The following CYP2B6 variants were observed in gnomAD, a reference collection of about 807,000 sequenced individuals.
CYP2B6 encodes the protein cytochrome P450 2B6.
In CYP2B6, 35 loss-of-function variants were observed where a neutral mutation model predicts 43.4. That is an observed-to-expected ratio of 0.81 (90% confidence interval 0.62 to 1.07). The LOEUF is 1.07. CYP2B6 is among the 50% of genes least tolerant of loss of function. The pLI is 0.00. For missense variants in CYP2B6, 624 were observed against 632.8 expected, an observed-to-expected ratio of 0.99 and a Z score of 0.15; for synonymous variants, 239 against 239.2, an observed-to-expected ratio of 1.00 and a Z score of 0.01.
chr19:40,994,551 T>G (rs1968971778), intron 1 of CYP2B6, among the ~76,000 whole-genome samples: 2 of 152,112 alleles, frequency 1.3e-5, no homozygotes. Context: ...TATGTTGAAC[T>G]CTTGGCCTCA....
intron 8 of CYP2B6, among the ~76,000 whole-genome samples, chr19:41,016,399 CAAAAAAAAAAA>C (rs869180190): frequency 4.7e-4 from 36 of 76,868 alleles, no homozygotes; most frequent in East Asian, 1.1e-3. Flanking sequence ...GACTCCATCT[CAAAAAAAAAAA>C]AAAAAAAAAA....
rs1351615838 is a variant in CYP2B6 at position 40,998,995 on chromosome 19, G to A, written c.172-5006G>A. On this transcript the variant is annotated intron_variant, in intron 1 of 8. Coordinates refer to ENST00000324071, the MANE Select transcript of CYP2B6 (RefSeq NM_000767.5). ...TCTAGTTCTAGATCCCTGAGGAATCGCCACACTGACTTCCACAATGGTTGA... is the reference window on the plus strand; with the variant it reads ...TCTAGTTCTAGATCCCTGAGGAATCACCACACTGACTTCCACAATGGTTGA... Among the ~76,000 whole-genome samples the A allele has an allele frequency of 1.2e-4, 16 of 136,452 alleles. No homozygotes were observed. In the South Asian group the frequency reaches 1.9e-3, roughly 16 times the overall value. 89.5% of individuals were successfully genotyped at this position (136,452 alleles called of 152,430 possible).
At position 41,014,034 on chromosome 19, in the gene CYP2B6, A is replaced by G. The variant is rs35506180; in HGVS notation, c.1294+1219A>G. Among the ~76,000 whole-genome samples the G allele has an allele frequency of 8.0e-3, 1,215 of 152,326 alleles. 12 individuals are homozygous for G. The highest frequency in any genetic ancestry group is 0.034 in the Middle Eastern group (10 of 294). On this transcript the variant is annotated intron_variant, in intron 8 of 8. Transcript: ENST00000324071. ...AGAATATACTCTCAAGTTTGTTTAC[A>G]TGTTGAGTTACATTACAATTTGTTA...
chr19:41,006,215 C>G (rs1401873529), intron 3 of CYP2B6, among the ~76,000 whole-genome samples: 202 of 152,060 alleles, frequency 1.3e-3, no homozygotes, highest in African/African-American at 4.7e-3. Flanking sequence ...TGCAGTGGCA[C>G]GATCATAGCT....
In CYP2B6 at chr19:40,991,376, C is replaced by G; in HGVS notation, c.71C>G (p.Pro24Arg). The G allele has an allele frequency of 1.2e-6, 2 of 1,614,086 alleles. No individual in the cohort carries two copies. The highest frequency in any genetic ancestry group is 2.2e-5 in the South Asian group (2 of 91,078). The stretch of plus-strand genomic sequence containing the variant: ...TTGCTACTCCTGGTTCAGCGCCACC[C>G]TAACACCCATGACCGCCTCCCACCA... ...GLLLLLVQRH[P>R]NTHDRLPPGP... is the part of the protein sequence containing the mutation. The change falls in exon 1 of 9, where the codon CCT becomes CGT. Residue 24 changes from proline (P) to arginine (R), a missense_variant. Coordinates refer to ENST00000324071, the MANE Select transcript of CYP2B6 (RefSeq NM_000767.5).
chr19:41,002,084 T>C (rs149260513), intron 1 of CYP2B6, among the ~76,000 whole-genome samples: 1 of 152,120 alleles, frequency 6.6e-6, no homozygotes, highest in East Asian at 1.9e-4. Flanking sequence ...AGAGCGGTAA[T>C]AGGGCCACGT....
chr19:41,003,895 G>A, intron 1 of CYP2B6, 106 bp from the exon 2 acceptor site: 1 of 1,499,676 alleles, frequency 6.7e-7, no homozygotes, highest in Non-Finnish European at 9.1e-7. Context: ...GGAGGCGGAT[G>A]TTGGGGAGGG....
At chr19:40,997,656 T>G (rs1969017524) in intron 1 of CYP2B6, among the ~76,000 whole-genome samples, 1 of 152,170 alleles carries the variant, frequency 6.6e-6, no homozygotes, top group Non-Finnish European at 1.5e-5. Flanking sequence ...TGGTTATCAG[T>G]TAGACACTGT....
At position 41,004,158 on chromosome 19, in the gene CYP2B6, G is replaced by T. The variant is rs186335453; in HGVS notation, c.329G>T (p.Gly110Val). 167 of 989,700 alleles carry T rather than the reference G, an allele frequency of 1.7e-4. No individual in the cohort carries two copies. The African/African-American group carries it at 2.5e-3, about 15-fold the overall frequency. 61.3% of individuals were successfully genotyped at this position (989,700 alleles called of 1,614,324 possible). A position where few individuals can be genotyped will look rare whatever the true frequency, so the allele number is the denominator to read the frequency against. The stretch of plus-strand genomic sequence containing the variant: ...GCCATGGTCGACCCATTCTTCCGGG[G>T]ATATGGTGAGAGCCTCAGAGGCACT... ...KIAMVDPFFR[G>V]YGVIFANGNR... Residue 110 changes from glycine (G) to valine (V), a missense_variant, in exon 2 of 9, where the codon GGA becomes GTA. Coordinates refer to ENST00000324071, the MANE Select transcript of CYP2B6 (RefSeq NM_000767.5).
chr19:41,016,740 G>A lies in CYP2B6; in HGVS notation c.1389G>A (p.Val463=). The A allele has an allele frequency of 1.2e-6, 2 of 1,614,224 alleles. No homozygotes were observed. The highest frequency in any genetic ancestry group is 1.7e-6 in the Non-Finnish European group (2 of 1,180,038). ...AGAACTTCTCCATGGCCAGCCCCGT[G>A]GCCCCAGAAGACATCGATCTGACAC... ...ILQNFSMASP[V]APEDIDLTPQ... The change falls in exon 9 of 9, where the codon GTG becomes GTA. Residue 463 remains valine, a synonymous_variant. Coordinates refer to ENST00000324071, the MANE Select transcript of CYP2B6 (RefSeq NM_000767.5).
chr19:41,001,820 A>G (rs749958278), intron 1 of CYP2B6, among the ~76,000 whole-genome samples: 3 of 152,176 alleles, frequency 2.0e-5, no homozygotes, highest in Admixed American at 6.5e-5. Context: ...ACAGATAAGC[A>G]AAAAATAAAC....
chr19:40,999,357 C>T (rs1186940952), intron 1 of CYP2B6, among the ~76,000 whole-genome samples: 1 of 151,588 alleles, frequency 6.6e-6, no homozygotes, highest in Non-Finnish European at 1.5e-5. Flanking sequence ...AAAATTTTCT[C>T]CCATTTTGTA....
intron 8 of CYP2B6, among the ~76,000 whole-genome samples, chr19:41,015,558 C>T (rs184891365): frequency 1.4e-4 from 22 of 152,226 alleles, no homozygotes; most frequent in Non-Finnish European, 2.6e-4. Context: ...TTTCCAGCAC[C>T]CTTTGTTCTT....
chr19:41,008,055 G>GTT (rs902099419), intron 4 of CYP2B6, among the ~76,000 whole-genome samples: 8 of 144,042 alleles, frequency 5.6e-5, no homozygotes, highest in Middle Eastern at 3.6e-3. Context: ...CTCCCTCTGT[G>GTT]TTTTTTTTTT....
chr19:41,014,189 C>T (rs151094499), intron 8 of CYP2B6, among the ~76,000 whole-genome samples: 236 of 152,262 alleles, frequency 1.5e-3, no homozygotes, highest in African/African-American at 5.4e-3. Context: ...GCCCAGCCCC[C>T]GGTTTTGCGC....
intron 1 of CYP2B6, among the ~76,000 whole-genome samples, chr19:40,998,534 T>C (rs1470083347): frequency 6.8e-6 from 1 of 147,528 alleles, no homozygotes; most frequent in Non-Finnish European, 1.5e-5. Flanking sequence ...TAACTCGTCA[T>C]CTAGCATTAG....
Position 41,016,904 on chromosome 19 carries a change from C to A in CYP2B6, c.*77C>A. The A allele has an allele frequency of 6.8e-7, 1 of 1,471,772 alleles. No homozygotes were observed. Among genetic ancestry groups the A allele is most frequent in the Non-Finnish European group, 9.3e-7 (1 of 1,079,028 alleles). The allele number at this position is 1,471,772 out of a possible 1,614,324, so 91.2% of individuals were successfully genotyped here. ...CCTCTGTAGACAATGGCTCTGACTC[C>A]CCGCAACTTCCTGCCTCTGAGAGAC... On this transcript the variant is annotated 3_prime_UTR_variant, in exon 9 of 9. Transcript: ENST00000324071.
chr19:41,015,077 CA>C (rs376050308), intron 8 of CYP2B6, among the ~76,000 whole-genome samples: 3 of 150,600 alleles, frequency 2.0e-5, no homozygotes, highest in Non-Finnish European at 3.0e-5. Flanking sequence ...GGAAGAAAGC[CA>C]AAAAAAGGAG....
Position 41,005,091 on chromosome 19 carries a change from C to T in CYP2B6, c.484+645C>T, listed in dbSNP as rs140372093. Among the ~76,000 whole-genome samples the T allele has an allele frequency of 2.4e-3, 361 of 152,244 alleles. 3 individuals are homozygous for T. The highest frequency in any genetic ancestry group is 8.3e-3 in the African/African-American group (343 of 41,528). ...GAAGTTAAGTAAAAGAAAAAAACTA[C>T]AGACATTTAACAAATAATGAACTGT... On this transcript the variant is annotated intron_variant, in intron 3 of 8. Coordinates refer to ENST00000324071, the MANE Select transcript of CYP2B6 (RefSeq NM_000767.5).
Sources: gnomAD v4.1 joint callset for allele counts (sites outside exome capture counted in the v4.1 genomes callset) on GRCh38, gnomAD v4.1.1 for gene constraint, MANE v1.5 for transcripts, NCBI Gene and HGNC (gene_info 2026-07-23, HGNC 2026-07-21) for gene names.